PDGFC: variants seen among roughly 807,000 people sequenced by gnomAD.
PDGFC encodes platelet derived growth factor C.
Under a neutral mutation model 35.5 loss-of-function variants are expected in PDGFC, and 12 were observed. The observed-to-expected ratio is 0.34, with a 90% CI of 0.22 to 0.55. The LOEUF (loss-of-function observed/expected upper bound fraction) is 0.55, where lower values mean the gene tolerates loss of function less well. Ranked by LOEUF, PDGFC falls within the 20% of genes least tolerant of loss-of-function variation. The pLI is 0.91. For missense variants in PDGFC, 322 were observed against 412.4 expected, an observed-to-expected ratio of 0.78 and a Z score of 1.90; for synonymous variants, 159 against 148.8, an observed-to-expected ratio of 1.07 and a Z score of -0.50.
intron 2 of PDGFC, among the ~76,000 whole-genome samples, chr4:156,812,256 C>T (rs1235066377): frequency 6.6e-6 from 1 of 151,978 alleles, no homozygotes; most frequent in Non-Finnish European, 1.5e-5. Flanking sequence ...GTTACATTCG[C>T]AATGAGTCGA....
At chr4:156,912,637 G>A (rs1308253204) in intron 1 of PDGFC, among the ~76,000 whole-genome samples, 1 of 152,098 alleles carries the variant, frequency 6.6e-6, no homozygotes, top group South Asian at 2.1e-4. Context: ...TATGAATTAA[G>A]CGGGTTTCCT....
At chr4:156,949,402 G>C (rs1362738092) in intron 1 of PDGFC, among the ~76,000 whole-genome samples, 1 of 151,432 alleles carries the variant, frequency 6.6e-6, no homozygotes, top group Non-Finnish European at 1.5e-5. Flanking sequence ...CATTCTAGTT[G>C]GTCATTAAAA....
intron 1 of PDGFC, among the ~76,000 whole-genome samples, chr4:156,899,067 A>C (rs1452200639): frequency 3.3e-5 from 5 of 152,232 alleles, no homozygotes; most frequent in Non-Finnish European, 7.3e-5. Context: ...TATAATTAAA[A>C]CAAAACAAAA....
intron 1 of PDGFC, among the ~76,000 whole-genome samples, chr4:156,959,553 C>A (rs1172256228): frequency 6.6e-6 from 1 of 151,978 alleles, no homozygotes; most frequent in Non-Finnish European, 1.5e-5. Flanking sequence ...TTCACCACTA[C>A]CGGGGAAATT....
chr4:156,771,678 G>A (rs1038717989), intron 4 of PDGFC, among the ~76,000 whole-genome samples: 15 of 152,152 alleles, frequency 9.9e-5, no homozygotes, highest in Admixed American at 7.9e-4. Flanking sequence ...TCTTAGAGCA[G>A]GAAAGGGCAG....
intron 2 of PDGFC, among the ~76,000 whole-genome samples, chr4:156,846,126 T>A (rs538918507): frequency 1.3e-5 from 2 of 151,776 alleles, no homozygotes; most frequent in African/African-American, 2.4e-5. Flanking sequence ...AGTGGACTCA[T>A]AAATGGATGC....
chr4:156,970,024 C>A (rs117009576), intron 1 of PDGFC, among the ~76,000 whole-genome samples: 1 of 152,132 alleles, frequency 6.6e-6, no homozygotes, highest in African/African-American at 2.4e-5. Flanking sequence ...ATGAAAGGAG[C>A]CTTTCTCCAG....
At chr4:156,825,575 T>TGGAG (rs1553967764) in intron 2 of PDGFC, among the ~76,000 whole-genome samples, 1 of 95,584 alleles carries the variant, frequency 1.0e-5, no homozygotes, top group African/African-American at 5.7e-5. Context: ...ATAATAATAA[T>TGGAG]AATAATAATA....
At chr4:156,939,600 T>C (rs765964157) in intron 1 of PDGFC, among the ~76,000 whole-genome samples, 8 of 152,138 alleles carry the variant, frequency 5.3e-5, no homozygotes, top group Non-Finnish European at 5.9e-5. Flanking sequence ...AAATGAAATA[T>C]ATGCACAAAA....
intron 1 of PDGFC, among the ~76,000 whole-genome samples, chr4:156,943,134 A>G (rs1371340019): frequency 6.6e-6 from 1 of 152,086 alleles, no homozygotes; most frequent in Non-Finnish European, 1.5e-5. Flanking sequence ...AACCCCTACC[A>G]ATGAGTAACA....
chr4:156,832,056 C>A (rs1728948981), intron 2 of PDGFC, among the ~76,000 whole-genome samples: 1 of 151,910 alleles, frequency 6.6e-6, no homozygotes, highest in African/African-American at 2.4e-5. Flanking sequence ...TCTAGTTTCT[C>A]TCTTAATATG....
intron 1 of PDGFC, among the ~76,000 whole-genome samples, chr4:156,862,204 A>C (rs142014039): frequency 2.2e-4 from 33 of 152,226 alleles, no homozygotes; most frequent in African/African-American, 8.0e-4. Context: ...AATAAAATAA[A>C]TCCTCTGAAA....
chr4:156,766,610 A>T (rs1730536640), intron 5 of PDGFC, among the ~76,000 whole-genome samples: 1 of 152,090 alleles, frequency 6.6e-6, no homozygotes, highest in Non-Finnish European at 1.5e-5. Flanking sequence ...TTACTCCATG[A>T]CCTTTACTTT....
At chr4:156,864,520 T>C (rs1729788889) in intron 1 of PDGFC, among the ~76,000 whole-genome samples, 1 of 152,190 alleles carries the variant, frequency 6.6e-6, no homozygotes, top group Non-Finnish European at 1.5e-5. Flanking sequence ...ACGTGTATAC[T>C]AATCATTAAC....
At chr4:156,941,956 T>G (rs2110909544) in intron 1 of PDGFC, among the ~76,000 whole-genome samples, 1 of 152,260 alleles carries the variant, frequency 6.6e-6, no homozygotes, top group Non-Finnish European at 1.5e-5. Context: ...AAAGTCTTCA[T>G]AAGTTCCTGG....
Position 156,850,282 on chromosome 4 carries a change from A to G in PDGFC, c.253T>C (p.Trp85Arg), listed in dbSNP as rs1729422043. 1 of 1,610,234 alleles carries G rather than the reference A, an allele frequency of 6.2e-7. No individual in the cohort carries two copies. Among genetic ancestry groups the G allele is most frequent in the Non-Finnish European group, 8.5e-7 (1 of 1,177,736 alleles). ...WRLVAVEENV[W>R]IQLTFDERFG... ...CTTTCATCAAACGTAAGTTGTATCC[A>G]TACATTTTCCTCTACTGCTACTAAT... Residue 85 changes from tryptophan to arginine, a missense_variant, in exon 2 of 6, where the codon TGG becomes CGG. Around this residue, in one of 2 missense-constraint regions of PDGFC, gnomAD observed 120 missense variants for 116.6 expected, o/e 1.03. Transcript: ENST00000502773.
chr4:156,861,403 TA>T, intron 1 of PDGFC: 1 of 943,816 alleles, frequency 1.1e-6, no homozygotes, highest in Non-Finnish European at 1.5e-6. Context: ...AAACTCAGAG[TA>T]AATAAAAATA....
intron 1 of PDGFC, among the ~76,000 whole-genome samples, chr4:156,927,188 G>A (rs529052258): frequency 6.6e-6 from 1 of 152,282 alleles, no homozygotes; most frequent in South Asian, 2.1e-4. Flanking sequence ...GCACACAGCA[G>A]AGAGACGCTG....
At chr4:156,845,566 A>G (rs950819848) in intron 2 of PDGFC, among the ~76,000 whole-genome samples, 14 of 151,766 alleles carry the variant, frequency 9.2e-5, no homozygotes, top group African/African-American at 3.4e-4. Context: ...TAAATGATTT[A>G]TATCAAATAA....
Sources: allele counts gnomAD v4.1 joint callset (sites outside exome capture counted in the v4.1 genomes callset), GRCh38; gene constraint gnomAD v4.1.1; regional missense constraint gnomAD v4.1.1; transcripts MANE v1.5; gene names NCBI Gene and HGNC (gene_info 2026-07-23, HGNC 2026-07-21).